Variants in ZC3H4 observed in about 807,000 individuals in gnomAD.
ZC3H4 encodes the protein zinc finger CCCH domain-containing protein 4.
Under a neutral mutation model 108.3 loss-of-function variants are expected in ZC3H4, and 13 were observed. The ratio of observed to expected loss-of-function variants is 0.12; its 90% confidence interval spans 0.08 to 0.19. The LOEUF (loss-of-function observed/expected upper bound fraction) is 0.19. Ranked by LOEUF, ZC3H4 falls within the 10% of genes least tolerant of loss-of-function variation. The probability of loss-of-function intolerance (pLI) is 1.00; values close to 1 mark genes in which losing one functional copy is unlikely to be tolerated. For missense variants in ZC3H4, 1,734 were observed against 1,838.8 expected, an observed-to-expected ratio of 0.94 and a Z score of 1.04; for synonymous variants, 917 against 749.6, an observed-to-expected ratio of 1.22 and a Z score of -3.65.
At chr19:47,106,110 A>G (rs925004419) in intron 2 of ZC3H4, among the ~76,000 whole-genome samples, 1 of 152,252 alleles carries the variant, frequency 6.6e-6, no homozygotes, top group African/African-American at 2.4e-5. Context: ...GCTCTGGCAG[A>G]TAATCTTTGA....
At chr19:47,085,512 TC>T (rs1464994396) in intron 6 of ZC3H4, 98 bp from the exon 7 acceptor site, 1 of 1,099,446 alleles carries the variant, frequency 9.1e-7, no homozygotes, top group Non-Finnish European at 1.3e-6. Flanking sequence ...ATGGTGACCA[TC>T]CAGGGGACTC....
rs368184376 is a variant in ZC3H4 at position 47,086,487 on chromosome 19, G to A, written c.767C>T (p.Ser256Leu). Residue 256 changes from serine to leucine, a missense_variant, in exon 6 of 15, where the codon TCG becomes TTG. This residue lies in a region of ZC3H4 where 403 missense variants were observed against 457.0 expected (regional missense o/e 0.88). Transcript: ENST00000253048. Reference sequence around the variant, plus strand: ...GCCCCTGCCCATGCCGCGGCCTCGCGATCCTCCACGGCTTCCTCGGCCCCT... The same window carrying A: ...GCCCCTGCCCATGCCGCGGCCTCGCAATCCTCCACGGCTTCCTCGGCCCCT... Reference protein sequence around the residue: ...GYRGRGSRGGSRGRGMGRGSR... With the variant: ...GYRGRGSRGGLRGRGMGRGSR... The A allele has an allele frequency of 5.0e-5, 81 of 1,608,988 alleles. No homozygotes were observed. In the African/African-American group the frequency reaches 7.3e-4, roughly 15 times the overall value.
chr19:47,084,338 T>C lies in ZC3H4; in HGVS notation c.1218+7A>G, dbSNP rs760888305. ...CCTAGAGGTGCCCAGCTTTCAGCGC[T>C]CCTTACCCAGGTGCAGCGCCCTTCC... On this transcript the variant is annotated splice_region_variant and intron_variant, in intron 9 of 14. Transcript: ENST00000253048. 2.5e-6 allele frequency: 4 copies of C among 1,614,014 alleles called. No homozygotes were observed. The highest frequency in any genetic ancestry group is 1.1e-5 in the South Asian group (1 of 91,072).
rs148102372 is a variant in ZC3H4 at position 47,067,585 on chromosome 19, C to A, written c.2683G>T (p.Ala895Ser). 2 of 1,602,764 alleles carry A rather than the reference C, an allele frequency of 1.2e-6. No individual in the cohort carries two copies. The highest frequency in any genetic ancestry group is 1.7e-6 in the Non-Finnish European group (2 of 1,175,826). The change falls in exon 15 of 15, where the codon GCC becomes TCC. Residue 895 changes from alanine (A) to serine (S), a missense_variant. By Grantham distance (99) the Ala-to-Ser change is moderately conservative. Coordinates refer to ENST00000253048, the MANE Select transcript of ZC3H4 (RefSeq NM_015168.2). The surrounding 1 kb of genome is among the most constrained non-coding windows in gnomAD (Gnocchi z 6.4). The part of the protein sequence containing the change: ...SGPSDPRLAR[A>S]LPTSKPEGSL... ...CCTTCGGGCTTGGAGGTGGGCAGGG[C>A]GCGAGCCAGCCGAGGATCGGAGGGT...
At chr19:47,103,698 G>A (rs903406831) in intron 2 of ZC3H4, among the ~76,000 whole-genome samples, 3 of 149,110 alleles carry the variant, frequency 2.0e-5, no homozygotes, top group Non-Finnish European at 3.0e-5. Flanking sequence ...AGGACGAGGC[G>A]GGCGGATCAC....
chr19:47,093,571 A>G (rs1278737923), intron 4 of ZC3H4, among the ~76,000 whole-genome samples: 1 of 152,080 alleles, frequency 6.6e-6, no homozygotes, highest in African/African-American at 2.4e-5. Flanking sequence ...TACTTCAGAG[A>G]GCTGGGCAAC....
chr19:47,086,147 G>A (rs890293283), intron 6 of ZC3H4, among the ~76,000 whole-genome samples: 3 of 152,214 alleles, frequency 2.0e-5, no homozygotes, highest in Non-Finnish European at 4.4e-5. Context: ...GATTACAGGT[G>A]TGAGCCACCG....
chr19:47,112,210 G>A, intron 2 of ZC3H4: 1 of 1,202,500 alleles, frequency 8.3e-7, no homozygotes, highest in Non-Finnish European at 1.0e-6. Flanking sequence ...GGCGAGCGCC[G>A]CGAGGGGGGG....
chr19:47,102,387 C>T (rs151200187), intron 2 of ZC3H4, among the ~76,000 whole-genome samples: 158 of 152,254 alleles, frequency 1.0e-3, no homozygotes, highest in African/African-American at 3.6e-3. Context: ...AATGTATAAT[C>T]GAGTAGGGAA....
chr19:47,113,144 G>C (rs1319869131), intron 1 of ZC3H4: 1 of 152,716 alleles, frequency 6.5e-6, no homozygotes, highest in Non-Finnish European at 1.5e-5. Flanking sequence ...CAGCCTAGAG[G>C]CTGAGGCGGG....
chr19:47,079,272 G>A (rs887677063), intron 11 of ZC3H4, among the ~76,000 whole-genome samples: 9 of 151,186 alleles, frequency 6.0e-5, no homozygotes, highest in Admixed American at 1.3e-4. Flanking sequence ...CAGGTGATCC[G>A]TCTGCCTCGG....
intron 13 of ZC3H4, among the ~76,000 whole-genome samples, chr19:47,070,118 C>A (rs2057299359): frequency 6.6e-6 from 1 of 150,910 alleles, no homozygotes; most frequent in African/African-American, 2.5e-5. Context: ...TGGGAGACAT[C>A]GAATCACCGA....
Position 47,090,045 on chromosome 19 carries a change from C to T in ZC3H4, c.637G>A (p.Gly213Ser). 6.2e-7 allele frequency: 1 copy of T among 1,614,200 alleles called. No individual in the cohort carries two copies. Among genetic ancestry groups the T allele is most frequent in the Non-Finnish European group, 8.5e-7 (1 of 1,180,030 alleles). Residue 213 changes from glycine (G) to serine (S), a missense_variant, in exon 5 of 15, where the codon GGC becomes AGC. This residue lies in a region of ZC3H4 where 403 missense variants were observed against 457.0 expected (regional missense o/e 0.88). Coordinates refer to ENST00000253048, the MANE Select transcript of ZC3H4 (RefSeq NM_015168.2). ...GTGAAGTCGTCATAGTCCTCCTTGCCCATGTCCTCCTCCTCGTCGCCCTCA... is the reference window on the plus strand; with the variant it reads ...GTGAAGTCGTCATAGTCCTCCTTGCTCATGTCCTCCTCCTCGTCGCCCTCA... ...EYEGDEEEDMGKEDYDDFTKE... is the reference protein window; with the variant it reads ...EYEGDEEEDMSKEDYDDFTKE...
chr19:47,100,539 A>C (rs2057890265), intron 2 of ZC3H4, among the ~76,000 whole-genome samples: 1 of 151,620 alleles, frequency 6.6e-6, no homozygotes, highest in South Asian at 2.1e-4. Context: ...ACTTCAACAT[A>C]AGACAGTCTA....
At position 47,103,383 on chromosome 19, in the gene ZC3H4, A is replaced by C. The variant is rs536900842; in HGVS notation, c.162-8775T>G. Among the ~76,000 whole-genome samples, 10 of 152,248 alleles carry C rather than the reference A, an allele frequency of 6.6e-5. No individual in the cohort carries two copies. The South Asian group carries it at 1.2e-3, about 19-fold the overall frequency. On this transcript the variant is annotated intron_variant, in intron 2 of 14. Coordinates refer to ENST00000253048, the MANE Select transcript of ZC3H4 (RefSeq NM_015168.2). ...AGTGGTGTGATCATTGGTTCAATGCAGCCTTGATCTCCTGGGCTCAAGCAA... is the reference window on the plus strand; with the variant it reads ...AGTGGTGTGATCATTGGTTCAATGCCGCCTTGATCTCCTGGGCTCAAGCAA...
chr19:47,069,338 A>G lies in ZC3H4; in HGVS notation c.2152T>C (p.Tyr718His). 1.2e-6 allele frequency: 2 copies of G among 1,612,800 alleles called. No homozygotes were observed. Among genetic ancestry groups the G allele is most frequent in the Non-Finnish European group, 8.5e-7 (1 of 1,179,486 alleles). Residue 718 changes from tyrosine (Y) to histidine (H), a missense_variant, in exon 14 of 15, where the codon TAC (tyrosine) becomes CAC (histidine). Tyr to His is a moderately conservative substitution (Grantham distance 83). Around this residue, in one of 9 missense-constraint regions of ZC3H4, gnomAD observed 540 missense variants for 484.1 expected, o/e 1.12. Coordinates refer to ENST00000253048, the MANE Select transcript of ZC3H4 (RefSeq NM_015168.2). ...EPGLLGDAED[Y>H]GHYEELPGEP... The stretch of plus-strand genomic sequence containing the variant: ...CCTGGCAGCTCTTCGTAGTGCCCGT[A>G]GTCCTCTGTGGCAGGGAAGAACCGA...
chr19:47,097,872 A>G (rs1217662439), intron 2 of ZC3H4, among the ~76,000 whole-genome samples: 1 of 152,172 alleles, frequency 6.6e-6, no homozygotes, highest in Non-Finnish European at 1.5e-5. Context: ...CTATTCCCAG[A>G]GCCTGGATTG....
chr19:47,070,094 G>C (rs1485864886), intron 13 of ZC3H4, among the ~76,000 whole-genome samples: 1 of 151,408 alleles, frequency 6.6e-6, no homozygotes, highest in Non-Finnish European at 1.5e-5. Context: ...TTGCGTGTGT[G>C]ACACATGTGA....
chr19:47,094,227 A>G lies in ZC3H4; in HGVS notation c.382-147T>C, dbSNP rs55901708. On this transcript the variant is annotated intron_variant, in intron 3 of 14. Coordinates refer to ENST00000253048, the MANE Select transcript of ZC3H4 (RefSeq NM_015168.2). ...TCACCTGGGGCACTTAGTGGCAATGAAGCATAAGCTACCAACTCTTTTAAA... is the reference window on the plus strand; with the variant it reads ...TCACCTGGGGCACTTAGTGGCAATGGAGCATAAGCTACCAACTCTTTTAAA... 8,930 of 1,093,652 alleles carry G rather than the reference A, an allele frequency of 8.2e-3. 255 individuals are homozygous for G. In the African/African-American group the frequency reaches 0.084, roughly 10 times the overall value. The allele number at this position is 1,093,652 out of a possible 1,614,324, so 67.7% of individuals were successfully genotyped here.
Sources: allele counts gnomAD v4.1 joint callset (sites outside exome capture counted in the v4.1 genomes callset), GRCh38; gene constraint gnomAD v4.1.1; regional missense constraint gnomAD v4.1.1; non-coding constraint Gnocchi (gnomAD v3.1); transcripts MANE v1.5; gene names NCBI Gene and HGNC (gene_info 2026-07-23, HGNC 2026-07-21).